The following MROH2B variants were observed in gnomAD, a reference collection of about 807,000 sequenced individuals.
MROH2B encodes maestro heat-like repeat-containing protein family member 2B.
MROH2B carries 177 observed loss-of-function variants against 208.6 expected under a neutral mutation model. That is an observed-to-expected ratio of 0.85 (90% CI 0.75 to 0.96). The LOEUF (loss-of-function observed/expected upper bound fraction) is 0.96. MROH2B is among the 40% of genes least tolerant of loss of function. The pLI is 0.00. For synonymous variants in MROH2B, 728 were observed against 659.0 expected (o/e 1.10, Z -1.60); for missense variants, 2,002 against 1,878.7 (o/e 1.07, Z -1.21).
At chr5:41,044,963 G>A (rs1244082939) in intron 18 of MROH2B, among the ~76,000 whole-genome samples, 1 of 152,070 alleles carries the variant, frequency 6.6e-6, no homozygotes, top group Admixed American at 6.6e-5. Flanking sequence ...AACCCTCAGA[G>A]GTGGGTATTG....
chr5:41,052,344 A>G, intron 12 of MROH2B, 121 bp downstream of exon 12: 1 of 914,348 alleles, frequency 1.1e-6, no homozygotes, highest in East Asian at 3.5e-5. Flanking sequence ...AAATTTATTT[A>G]TTTATTTTTT....
At chr5:41,020,050 A>G (rs1280838715) in intron 24 of MROH2B, among the ~76,000 whole-genome samples, 1 of 152,066 alleles carries the variant, frequency 6.6e-6, no homozygotes, top group East Asian at 1.9e-4. Flanking sequence ...TTCAAGTTCT[A>G]CAGCTGTGCT....
Position 41,000,211 on chromosome 5 carries a change from G to T in MROH2B, c.4482+9C>A, listed in dbSNP as rs773891238. 3 of 1,613,356 alleles carry T rather than the reference G, an allele frequency of 1.9e-6. No homozygotes were observed. The highest frequency in any genetic ancestry group is 2.5e-6 in the Non-Finnish European group (3 of 1,179,690). ...CCTTTTTTGGAGGCGGCATCTATTG[G>T]ACACTCACCAGTTTCACACAGAATT... On this transcript the variant is annotated intron_variant, in intron 39 of 41. Coordinates refer to ENST00000399564, the MANE Select transcript of MROH2B (RefSeq NM_173489.5).
rs1171304889 is a variant in MROH2B, at chr5:41,005,571, G to A, written c.3824C>T (p.Ser1275Leu). Residue 1275 changes from serine to leucine, a missense_variant, in exon 35 of 42, where the codon TCG (serine) becomes TTG (leucine). Physicochemically the swap from Ser to Leu is moderately radical, Grantham distance 145. Coordinates refer to ENST00000399564, the MANE Select transcript of MROH2B (RefSeq NM_173489.5). Reference sequence around the variant, plus strand: ...TGCGCCGGTTATCCGGTAGTTCTCCGAGGAGGAGGTAAGAGATGAGAGCAG... The same window carrying A: ...TGCGCCGGTTATCCGGTAGTTCTCCAAGGAGGAGGTAAGAGATGAGAGCAG... ...EQLLSSLTSS[S>L]ENYRITGAAF... The A allele has an allele frequency of 2.5e-6, 4 of 1,610,382 alleles. No individual in the cohort carries two copies. Among genetic ancestry groups the A allele is most frequent in the Non-Finnish European group, 2.5e-6 (3 of 1,178,416 alleles).
At chr5:41,060,802 A>G (rs1243951791) in intron 6 of MROH2B, among the ~76,000 whole-genome samples, 1 of 152,196 alleles carries the variant, frequency 6.6e-6, no homozygotes, top group Non-Finnish European at 1.5e-5. Flanking sequence ...CCTACAGGAT[A>G]TTTTTAAAGT....
intron 5 of MROH2B, among the ~76,000 whole-genome samples, chr5:41,062,811 T>C (rs1743681980): frequency 6.6e-6 from 1 of 152,146 alleles, no homozygotes; most frequent in Non-Finnish European, 1.5e-5. Flanking sequence ...CTATACTTTA[T>C]AATAGTTTAT....
intron 24 of MROH2B, among the ~76,000 whole-genome samples, chr5:41,028,621 G>T (rs983411391): frequency 6.6e-6 from 1 of 152,124 alleles, no homozygotes; most frequent in Non-Finnish European, 1.5e-5. Context: ...GTCCACTCAT[G>T]TTGTAACAAA....
intron 1 of MROH2B, 106 bp from the exon 2 acceptor site, chr5:41,069,858 T>G: frequency 1.2e-6 from 1 of 804,638 alleles, no homozygotes; most frequent in East Asian, 2.7e-5. Flanking sequence ...ATCCTCTCTC[T>G]CTCTCTCTCC....
chr5:41,024,102 A>G (rs551967478), intron 24 of MROH2B, among the ~76,000 whole-genome samples: 58 of 152,290 alleles, frequency 3.8e-4, no homozygotes, highest in Admixed American at 1.4e-3. Flanking sequence ...AAAGACCATC[A>G]AGGCTAGGAA....
intron 29 of MROH2B, 61 bp from the exon 30 acceptor site, chr5:41,012,796 A>T: frequency 6.3e-7 from 1 of 1,592,038 alleles, no homozygotes; most frequent in East Asian, 2.2e-5. Flanking sequence ...CTAGATACTT[A>T]CAACATGCTG....
chr5:41,058,975 G>A (rs1377526832), intron 6 of MROH2B, among the ~76,000 whole-genome samples: 1 of 150,406 alleles, frequency 6.6e-6, no homozygotes, highest in Non-Finnish European at 1.5e-5. Context: ...TTGAACCTGG[G>A]AGGCGGAGCT....
At chr5:41,066,471 T>C (rs1351743629) in intron 3 of MROH2B, among the ~76,000 whole-genome samples, 1 of 152,180 alleles carries the variant, frequency 6.6e-6, no homozygotes, top group Non-Finnish European at 1.5e-5. Flanking sequence ...GGCCAACCAG[T>C]GGTGAGACTC....
chr5:41,054,644 A>C, intron 11 of MROH2B, 123 bp downstream of exon 11: 1 of 634,488 alleles, frequency 1.6e-6, no homozygotes, highest in Non-Finnish European at 2.5e-6. Context: ...GAGTTCTTTT[A>C]AAAATGGAAT....
intron 30 of MROH2B, 27 bp downstream of exon 30, chr5:41,012,556 A>C (rs1196949180): frequency 6.3e-7 from 1 of 1,599,416 alleles, no homozygotes; most frequent in Non-Finnish European, 8.5e-7. Flanking sequence ...AAATCTGTTC[A>C]GTTGTTAAAA....
chr5:41,047,661 G>T, intron 17 of MROH2B, 60 bp downstream of exon 17: 1 of 1,438,556 alleles, frequency 7.0e-7, no homozygotes, highest in Non-Finnish European at 9.6e-7. Context: ...ATTTAGGATG[G>T]GTAACTTCAG....
chr5:41,062,000 T>C (rs1659214017), intron 5 of MROH2B, among the ~76,000 whole-genome samples: 1 of 148,940 alleles, frequency 6.7e-6, no homozygotes, highest in Non-Finnish European at 1.5e-5. Flanking sequence ...TTCTCACTGC[T>C]GGTAGAAGGG....
Position 41,038,862 on chromosome 5 carries a change from C to T in MROH2B, c.2088G>A (p.Leu696=). 1.2e-6 allele frequency: 2 copies of T among 1,610,150 alleles called. No homozygotes were observed. Among genetic ancestry groups the T allele is most frequent in the Non-Finnish European group, 1.7e-6 (2 of 1,178,546 alleles). Residue 696 remains leucine, a synonymous_variant, in exon 21 of 42, where the codon CTG becomes CTA. Coordinates refer to ENST00000399564, the MANE Select transcript of MROH2B (RefSeq NM_173489.5). The stretch of plus-strand genomic sequence containing the variant: ...AGATGACCATGACATCTGTCTTGGT[C>T]AGGCTCTTTTTCCCAGAAAAAAGGC... ...CKSLFSGKKS[L]TKTDVMVIYG...
At chr5:41,017,768 A>T in intron 28 of MROH2B, 82 bp downstream of exon 28, 2 of 1,449,942 alleles carry the variant, frequency 1.4e-6, no homozygotes, top group Non-Finnish European at 9.2e-7. Flanking sequence ...GGAGAGAGAC[A>T]TAGGTGCATA....
intron 5 of MROH2B, among the ~76,000 whole-genome samples, chr5:41,063,340 C>CTCATAGTCAT (rs1743698169): frequency 6.6e-6 from 1 of 152,170 alleles, no homozygotes; most frequent in African/African-American, 2.4e-5. Context: ...TCATAGTTGA[C>CTCATAGTCAT]AGTCTTGGCT....
Sources: gnomAD v4.1 joint callset for allele counts (sites outside exome capture counted in the v4.1 genomes callset) on GRCh38, gnomAD v4.1.1 for gene constraint, MANE v1.5 for transcripts, NCBI Gene and HGNC (gene_info 2026-07-23, HGNC 2026-07-21) for gene names.